WWOX: variants seen among roughly 807,000 people sequenced by gnomAD.
The protein encoded by WWOX is WW domain-containing oxidoreductase.
WWOX carries 69 observed loss-of-function variants against 46.2 expected under a neutral mutation model. The observed-to-expected ratio is 1.49, with a 90% CI of 1.23 to 1.82. The LOEUF (loss-of-function observed/expected upper bound fraction) is 1.82, where lower values mean the gene tolerates loss of function less well. Among genes scored for constraint, WWOX ranks in the 40% most tolerant of loss-of-function variants. The pLI is 0.00. For missense variants in WWOX, 919 were observed against 542.6 expected, an observed-to-expected ratio of 1.69 and a Z score of -6.89; for synonymous variants, 359 against 202.6, an observed-to-expected ratio of 1.77 and a Z score of -6.56.
chr16:78,578,286 T>A (rs867929697), intron 8 of WWOX, among the ~76,000 whole-genome samples: 216 of 18,990 alleles, frequency 0.011, no homozygotes, highest in African/African-American at 0.015. Flanking sequence ...ATATATATAT[T>A]TTTTTTTTTT....
rs960766543 is a variant in WWOX, at chr16:78,505,959, G to T, written c.1056+73207G>T. On this transcript the variant is annotated intron_variant, in intron 8 of 8. Transcript: ENST00000566780. ...TGGCTCTGCAAACCGCATTTCCTTG[G>T]CTGAACGCCAGAGGAGAGAAATGAT... Among the ~76,000 whole-genome samples, 3 of 152,208 alleles carry T rather than the reference G, an allele frequency of 2.0e-5. No homozygotes were observed. The South Asian group carries it at 6.2e-4, about 31-fold the overall frequency.
chr16:78,733,059 G>A (rs1015840899), intron 8 of WWOX, among the ~76,000 whole-genome samples: 10 of 151,980 alleles, frequency 6.6e-5, no homozygotes, highest in African/African-American at 2.4e-4. Flanking sequence ...TTTTAATAAT[G>A]TAAAACCATG....
At chr16:79,062,141 A>T (rs1177602621) in intron 8 of WWOX, among the ~76,000 whole-genome samples, 2 of 152,128 alleles carry the variant, frequency 1.3e-5, no homozygotes, top group East Asian at 3.9e-4. Context: ...CCCCAGACTG[A>T]AGGTTAGGGA....
chr16:79,119,834 C>T (rs1238960925), intron 8 of WWOX, among the ~76,000 whole-genome samples: 1 of 152,148 alleles, frequency 6.6e-6, no homozygotes, highest in Non-Finnish European at 1.5e-5. Context: ...AGAGAAGAGA[C>T]CCAGAGCCAG....
chr16:78,243,775 G>A (rs917292057), intron 5 of WWOX, among the ~76,000 whole-genome samples: 1 of 152,192 alleles, frequency 6.6e-6, no homozygotes, highest in African/African-American at 2.4e-5. Flanking sequence ...ACGAACTCCT[G>A]ACCTCGAGTG....
intron 6 of WWOX, among the ~76,000 whole-genome samples, chr16:78,416,603 C>T (rs933349329): frequency 3.9e-5 from 6 of 152,166 alleles, no homozygotes; most frequent in African/African-American, 9.7e-5. Flanking sequence ...CTGAGGTTTG[C>T]ATTTTCTTGA....
rs534379098 is a variant in WWOX, at chr16:78,558,322, G to C, written c.1056+125570G>C. Among the ~76,000 whole-genome samples the C allele has an allele frequency of 5.9e-5, 9 of 152,322 alleles. No homozygotes were observed. In the South Asian group the frequency reaches 1.9e-3, roughly 32 times the overall value. The stretch of plus-strand genomic sequence containing the variant: ...AATTGCTGGCTTGTGGATGTCTTTG[G>C]TTTGGCCTGCTGAAGTTTGTTTTGG... On this transcript the variant is annotated intron_variant, in intron 8 of 8. Transcript: ENST00000566780.
At chr16:78,305,940 A>G (rs2080126490) in intron 5 of WWOX, among the ~76,000 whole-genome samples, 1 of 152,064 alleles carries the variant, frequency 6.6e-6, no homozygotes, top group South Asian at 2.1e-4. Context: ...TGGTCAGACC[A>G]CCAAGAATTA....
chr16:78,386,858 A>G lies in WWOX; in HGVS notation c.517-2A>G, dbSNP rs1421276716. On this transcript the variant is annotated splice_acceptor_variant, in intron 5 of 8. Coordinates refer to ENST00000566780, the MANE Select transcript of WWOX (RefSeq NM_016373.4). LOFTEE classifies it high-confidence loss of function. The stretch of plus-strand genomic sequence containing the variant: ...ATTTCTTTTTATTTTCTCTCATTGC[A>G]GCATAAAGCCAAGGTAGAAGCAATG... The G allele has an allele frequency of 3.7e-6, 6 of 1,613,474 alleles. No homozygotes were observed. Among genetic ancestry groups the G allele is most frequent in the Admixed American group, 1.7e-5 (1 of 60,020 alleles).
chr16:78,400,389 C>T (rs930526710), intron 6 of WWOX, among the ~76,000 whole-genome samples: 39 of 152,094 alleles, frequency 2.6e-4, no homozygotes, highest in East Asian at 1.2e-3. Context: ...ACTGACAGGG[C>T]GGTTCCCCAG....
At chr16:78,854,873 C>T (rs4888866) in intron 8 of WWOX, among the ~76,000 whole-genome samples, 21,084 of 151,210 alleles carry the variant, frequency 0.14, 1,873 homozygotes, top group Middle Eastern at 0.2. Flanking sequence ...TGAGCCACCG[C>T]GCCAGCTCTA....
At chr16:78,441,031 C>T (rs1181714561) in intron 8 of WWOX, among the ~76,000 whole-genome samples, 1 of 152,208 alleles carries the variant, frequency 6.6e-6, no homozygotes, top group Admixed American at 6.5e-5. Flanking sequence ...CAGCCTCCGC[C>T]TCCCAGGTTC....
intron 8 of WWOX, among the ~76,000 whole-genome samples, chr16:78,870,531 A>T (rs538643437): frequency 4.0e-4 from 60 of 151,696 alleles, no homozygotes; most frequent in African/African-American, 1.4e-3. Context: ...ACCCTTACTG[A>T]TCTTTTAAAT....
chr16:79,070,107 G>A (rs372983793), intron 8 of WWOX, among the ~76,000 whole-genome samples: 8 of 152,208 alleles, frequency 5.3e-5, no homozygotes, highest in African/African-American at 1.9e-4. Context: ...TCAAAGATTG[G>A]GCAAATTGAC....
At chr16:79,190,775 A>G (rs1457124839) in intron 8 of WWOX, among the ~76,000 whole-genome samples, 1 of 152,160 alleles carries the variant, frequency 6.6e-6, no homozygotes, top group East Asian at 1.9e-4. Context: ...TTGTTTACCT[A>G]TTGTCTATGG....
intron 8 of WWOX, among the ~76,000 whole-genome samples, chr16:78,757,304 A>G (rs1314324251): frequency 2.0e-5 from 3 of 150,210 alleles, no homozygotes; most frequent in Non-Finnish European, 4.4e-5. Flanking sequence ...AAAACCAGTT[A>G]ATTGTTACTT....
intron 5 of WWOX, among the ~76,000 whole-genome samples, chr16:78,360,540 A>T (rs1028628647): frequency 7.0e-6 from 1 of 143,378 alleles, no homozygotes; most frequent in Non-Finnish European, 1.5e-5. Flanking sequence ...AGCCAAGCGG[A>T]GTGCCACTGC....
At chr16:78,839,665 G>A (rs1160694585) in intron 8 of WWOX, among the ~76,000 whole-genome samples, 1 of 152,100 alleles carries the variant, frequency 6.6e-6, no homozygotes, top group Non-Finnish European at 1.5e-5. Context: ...GGTGGGGAGG[G>A]GGTAGAATAA....
chr16:78,766,462 C>T (rs995812646), intron 8 of WWOX, among the ~76,000 whole-genome samples: 6 of 152,184 alleles, frequency 3.9e-5, no homozygotes, highest in South Asian at 2.1e-4. Context: ...GTGTCTCCTC[C>T]GTGTAGTCCC....
Sources: gnomAD v4.1 joint callset for allele counts (sites outside exome capture counted in the v4.1 genomes callset) on GRCh38, gnomAD v4.1.1 for gene constraint, MANE v1.5 for transcripts, NCBI Gene and HGNC (gene_info 2026-07-23, HGNC 2026-07-21) for gene names.